HCFC1: variants seen among roughly 807,000 people sequenced by gnomAD.
HCFC1 encodes the protein host cell factor C1, also known as host cell factor 1.
Under a neutral mutation model 105.5 loss-of-function variants are expected in HCFC1, and 7 were observed. The ratio of observed to expected loss-of-function variants is 0.07; its 90% CI spans 0.04 to 0.12. HCFC1 has a LOEUF of 0.12. HCFC1 is among the 10% of genes least tolerant of loss of function. The pLI is 1.00. For synonymous variants in HCFC1, 918 were observed against 828.1 expected (o/e 1.11, Z -1.86); for missense variants, 1,065 against 1,823.6 (o/e 0.58, Z 7.58).
rs2065383347 is a variant in HCFC1, at chrX:153,956,960, G to A, written c.2454C>T (p.Val818=). Residue 818 remains valine (V), a synonymous_variant, in exon 14 of 26, where the codon GTC becomes GTT. Coordinates refer to ENST00000310441, the MANE Select transcript of HCFC1 (RefSeq NM_005334.3). The part of the protein sequence containing the change: ...TGAPAKIITA[V]PKIATGHGQQ... ...GCCCGTGGCCAGTGGCAATTTTGGGGACAGCAGTGATGATTTTCGCAGGTG... is the reference window on the plus strand; with the variant it reads ...GCCCGTGGCCAGTGGCAATTTTGGGAACAGCAGTGATGATTTTCGCAGGTG... The A allele has an allele frequency of 8.3e-7, 1 of 1,210,668 alleles. No individual in the cohort carries two copies. The highest frequency in any genetic ancestry group is 1.1e-6 in the Non-Finnish European group (1 of 895,274).
rs1237145215 is a variant in HCFC1 at position 153,948,032 on chromosome X, G to A, written c.*1315C>T. On this transcript the variant is annotated 3_prime_UTR_variant, in exon 26 of 26. Coordinates refer to ENST00000310441, the MANE Select transcript of HCFC1 (RefSeq NM_005334.3). ...TCCATTGCCCTAGCCTCCCTTGTGGGTGACACTACACAGTCACCCTCCCAA... is the reference window on the plus strand; with the variant it reads ...TCCATTGCCCTAGCCTCCCTTGTGGATGACACTACACAGTCACCCTCCCAA... The A allele has an allele frequency of 1.8e-5, 2 of 111,974 alleles. No individual in the cohort carries two copies. The highest frequency in any genetic ancestry group is 3.8e-5 in the Non-Finnish European group (2 of 53,106). The allele number at this position is 111,974 out of a possible 1,213,427, so 9.2% of individuals were successfully genotyped here.
chrX:153,959,567 G>A, intron 8 of HCFC1, 76 bp from the exon 9 acceptor site: 1 of 1,126,454 alleles, frequency 8.9e-7, no homozygotes, highest in Non-Finnish European at 1.2e-6. Context: ...GCAGCCCTGA[G>A]CCACTTCTGT....
chrX:153,959,757 G>A (rs1465806463), intron 8 of HCFC1, 45 bp downstream of exon 8: 5 of 1,142,330 alleles, frequency 4.4e-6, no homozygotes, highest in African/African-American at 3.7e-5. Context: ...CCTCTCCCCG[G>A]AGGCTAGCCC....
chrX:153,966,368 G>A (rs2065474005), intron 1 of HCFC1, among the ~76,000 whole-genome samples: 1 of 112,836 alleles, frequency 8.9e-6, no homozygotes, highest in African/African-American at 3.2e-5. Context: ...ATTCAGCTGA[G>A]TCACTGGGCC....
chrX:153,971,182 CCT>C lies in HCFC1; in HGVS notation c.-344_-343del. 1 of 333,570 alleles carries C rather than the reference CCT, an allele frequency of 3.0e-6. No homozygotes were observed. Among genetic ancestry groups the C allele is most frequent in the South Asian group, 9.4e-5 (1 of 10,667 alleles). 27.5% of individuals were successfully genotyped at this position (333,570 alleles called of 1,213,427 possible). A position where few individuals can be genotyped will look rare whatever the true frequency, so the allele number is the denominator to read the frequency against. On this transcript the variant is annotated 5_prime_UTR_variant, in exon 1 of 26. Coordinates refer to ENST00000310441, the MANE Select transcript of HCFC1 (RefSeq NM_005334.3). The stretch of plus-strand genomic sequence containing the variant: ...CCCTGGGAGCCGCCATCTTGAGCCG[CCT>C]CTCTCTCCTCCCTTCCTCAGTCGTA...
intron 18 of HCFC1, 111 bp from the exon 19 acceptor site, chrX:153,953,069 T>C: frequency 1.6e-6 from 1 of 616,704 alleles, no homozygotes; most frequent in Non-Finnish European, 2.7e-6. Context: ...CTTGGGGCAG[T>C]CTCAGTCATT....
chrX:153,950,093 T>C (rs1289618934), intron 24 of HCFC1, 150 bp downstream of exon 24: 4 of 575,385 alleles, frequency 7.0e-6, no homozygotes, highest in Non-Finnish European at 1.0e-5. Flanking sequence ...CTCTACTTGA[T>C]GGCCACCCCC....
rs782189817 is a variant in HCFC1, at chrX:153,949,491, G to A, written c.6068+62C>T. The A allele has an allele frequency of 2.1e-4, 248 of 1,156,324 alleles. No individual in the cohort carries two copies. The South Asian group carries it at 4.0e-3, about 19-fold the overall frequency. ...GGGGCCCCCAGTCATTTGACAAGAGGCTGAACCCAGCTATTTCCACCCCTA... is the reference window on the plus strand; with the variant it reads ...GGGGCCCCCAGTCATTTGACAAGAGACTGAACCCAGCTATTTCCACCCCTA... On this transcript the variant is annotated intron_variant, in intron 25 of 25. Coordinates refer to ENST00000310441, the MANE Select transcript of HCFC1 (RefSeq NM_005334.3).
chrX:153,952,387 C>T (rs1439066664), intron 19 of HCFC1, 127 bp downstream of exon 19: 2 of 894,803 alleles, frequency 2.2e-6, no homozygotes, highest in Non-Finnish European at 3.0e-6. Flanking sequence ...GTCCCCTGTG[C>T]TCGTCCTCCC....
At chrX:153,961,399 C>T in intron 6 of HCFC1, 143 bp downstream of exon 6, 1 of 444,889 alleles carries the variant, frequency 2.2e-6, no homozygotes, top group Non-Finnish European at 3.9e-6. Flanking sequence ...TCAGAGAGCT[C>T]TGCCCACTGG....
chrX:153,953,115 C>T, intron 18 of HCFC1, 157 bp from the exon 19 acceptor site: 2 of 520,643 alleles, frequency 3.8e-6, no homozygotes, highest in Admixed American at 2.8e-5. Context: ...AAGCCCCTGT[C>T]AGAGGGGAGG....
At chrX:153,961,936 G>C (rs189186693) in intron 5 of HCFC1, among the ~76,000 whole-genome samples, 1 of 112,280 alleles carries the variant, frequency 8.9e-6, no homozygotes, top group Non-Finnish European at 1.9e-5. Context: ...AAGACACCCA[G>C]GTGCTTGCAC....
intron 1 of HCFC1, chrX:153,970,027 A>T (rs910300103): frequency 2.7e-5 from 3 of 112,735 alleles, no homozygotes; most frequent in Non-Finnish European, 3.8e-5. Flanking sequence ...GCGGATGTTA[A>T]ACTCTGCGTC....
intron 22 of HCFC1, 102 bp downstream of exon 22, chrX:153,951,248 C>T (rs782364580): frequency 6.1e-6 from 6 of 979,675 alleles, no homozygotes; most frequent in East Asian, 6.1e-5. Flanking sequence ...TTCCTGGCTA[C>T]TCAGCTTGGC....
Position 153,952,502 on chromosome X carries a change from A to G in HCFC1, c.4942+12T>C. On this transcript the variant is annotated intron_variant, in intron 19 of 25. Coordinates refer to ENST00000310441, the MANE Select transcript of HCFC1 (RefSeq NM_005334.3). The stretch of plus-strand genomic sequence containing the variant: ...AGCGGCCCGGCTTCCCCAGGGTTGC[A>G]CCGGCACTCACCCATGACGGCCTGC... The G allele has an allele frequency of 8.7e-7, 1 of 1,143,725 alleles. No homozygotes were observed. The allele number at this position is 1,143,725 out of a possible 1,213,427, so 94.3% of individuals were successfully genotyped here. A position where few individuals can be genotyped will look rare whatever the true frequency, so the allele number is the denominator to read the frequency against.
intron 9 of HCFC1, 41 bp from the exon 10 acceptor site, chrX:153,958,807 C>T: frequency 9.7e-7 from 1 of 1,034,491 alleles, no homozygotes; most frequent in Non-Finnish European, 1.3e-6. Context: ...TCACAGGTGC[C>T]ACCCACCTCC....
Position 153,949,263 on chromosome X carries a change from G to T in HCFC1, c.*84C>A. The T allele has an allele frequency of 1.4e-6, 1 of 738,729 alleles. No individual in the cohort carries two copies. The highest frequency in any genetic ancestry group is 2.1e-6 in the Non-Finnish European group (1 of 484,468). 60.9% of individuals were successfully genotyped at this position (738,729 alleles called of 1,213,427 possible). A position where few individuals can be genotyped will look rare whatever the true frequency, so the allele number is the denominator to read the frequency against. On this transcript the variant is annotated 3_prime_UTR_variant, in exon 26 of 26. Transcript: ENST00000310441. ...CGCGAGGGTGAAGTGCGAATGCTGG[G>T]ACGGGGTGGGAGGGGTGGGCCCTGG...
chrX:153,970,895 C>G lies in HCFC1; in HGVS notation c.-55G>C. ...GTCAACAAGCGGGAAGGGAGCCCCTCAATTCCTTTCACACACCCCCTTTCG... is the reference window on the plus strand; with the variant it reads ...GTCAACAAGCGGGAAGGGAGCCCCTGAATTCCTTTCACACACCCCCTTTCG... On this transcript the variant is annotated 5_prime_UTR_variant, in exon 1 of 26. Coordinates refer to ENST00000310441, the MANE Select transcript of HCFC1 (RefSeq NM_005334.3). The G allele has an allele frequency of 1.0e-6, 1 of 1,000,723 alleles. No individual in the cohort carries two copies. The highest frequency in any genetic ancestry group is 2.4e-5 in the South Asian group (1 of 42,125). 82.5% of individuals were successfully genotyped at this position (1,000,723 alleles called of 1,213,427 possible).
At chrX:153,962,913 C>T (rs960764624) in intron 4 of HCFC1, among the ~76,000 whole-genome samples, 3 of 112,072 alleles carry the variant, frequency 2.7e-5, no homozygotes, top group African/African-American at 9.7e-5. Flanking sequence ...TGACCACTGA[C>T]GAGTCAAGAG....
Sources: gnomAD v4.1 joint callset for allele counts (sites outside exome capture counted in the v4.1 genomes callset) on GRCh38, gnomAD v4.1.1 for gene constraint, MANE v1.5 for transcripts, NCBI Gene and HGNC (gene_info 2026-07-23, HGNC 2026-07-21) for gene names.